Variants in LRCH2 observed in about 807,000 individuals in gnomAD.
LRCH2 encodes leucine-rich repeat and calponin homology domain-containing protein 2.
In LRCH2, 38 loss-of-function variants were observed where a neutral mutation model predicts 68.9. The ratio of observed to expected loss-of-function variants is 0.55; its 90% CI spans 0.43 to 0.72. The LOEUF is 0.72. Among genes scored for constraint, LRCH2 ranks in the 30% least tolerant of loss-of-function variants. The pLI is 0.00. For missense variants in LRCH2, 528 were observed against 572.9 expected (o/e 0.92, Z 0.80); for synonymous variants, 191 against 208.1 (o/e 0.92, Z 0.71).
chrX:115,122,681 CTGAGG>C, intron 19 of LRCH2, 74 bp downstream of exon 19: 1 of 1,168,325 alleles, frequency 8.6e-7, no homozygotes, highest in East Asian at 3.0e-5. Flanking sequence ...ACTAAGTTCA[CTGAGG>C]TATATTATTT....
At chrX:115,117,555 C>T (rs1023961185) in intron 20 of LRCH2, among the ~76,000 whole-genome samples, 1 of 111,555 alleles carries the variant, frequency 9.0e-6, no homozygotes, top group African/African-American at 3.2e-5. Flanking sequence ...TGTCCATCAG[C>T]AGGTCAAGGG....
Position 115,124,004 on chromosome X carries a change from T to TAA in LRCH2, c.1792-4_1792-3dup. The TAA allele has an allele frequency of 2.0e-6, 2 of 1,013,768 alleles. No homozygotes were observed. Among genetic ancestry groups the TAA allele is most frequent in the Non-Finnish European group, 2.6e-6 (2 of 774,389 alleles). 83.5% of individuals were successfully genotyped at this position (1,013,768 alleles called of 1,213,427 possible). ...AAAACCATCAGTTCTGTCATATTCC[T>TAA]AAAAAAAAATTAAAAAGTTAAAAAT... On this transcript the variant is annotated splice_region_variant and splice_polypyrimidine_tract_variant and intron_variant, in intron 16 of 20. Coordinates refer to ENST00000317135, the MANE Select transcript of LRCH2 (RefSeq NM_020871.4).
chrX:115,131,351 C>T (rs782121449), intron 14 of LRCH2, among the ~76,000 whole-genome samples: 3 of 107,780 alleles, frequency 2.8e-5, no homozygotes, highest in Non-Finnish European at 3.8e-5. Context: ...TGAGAACATG[C>T]GGTGTTTGGT....
intron 5 of LRCH2, among the ~76,000 whole-genome samples, chrX:115,176,360 C>T (rs2072646685): frequency 9.0e-6 from 1 of 111,576 alleles, no homozygotes; most frequent in African/African-American, 3.3e-5. Flanking sequence ...AACAGGCATC[C>T]TAACAAGTGT....
At chrX:115,226,194 A>C (rs1556576185) in intron 1 of LRCH2, among the ~76,000 whole-genome samples, 2 of 111,915 alleles carry the variant, frequency 1.8e-5, no homozygotes, top group Non-Finnish European at 3.8e-5. Flanking sequence ...GTATATTCAC[A>C]TGATGCAAGA....
intron 1 of LRCH2, among the ~76,000 whole-genome samples, chrX:115,223,927 GA>G (rs1191115991): frequency 7.5e-4 from 70 of 93,596 alleles, no homozygotes; most frequent in Non-Finnish European, 9.6e-4. Flanking sequence ...ACTCGGTCTC[GA>G]AAAAAAAAAA....
intron 14 of LRCH2, among the ~76,000 whole-genome samples, chrX:115,141,187 G>A (rs1227340779): frequency 1.8e-4 from 19 of 106,325 alleles, no homozygotes; most frequent in African/African-American, 6.2e-4. Context: ...GCAGTGAGCC[G>A]AGATCACGCC....
chrX:115,134,176 T>C (rs1296793118), intron 14 of LRCH2, among the ~76,000 whole-genome samples: 1 of 112,060 alleles, frequency 8.9e-6, no homozygotes, highest in African/African-American at 3.2e-5. Context: ...TTCAATCCTA[T>C]GAAGTCAAGG....
intron 1 of LRCH2, chrX:115,192,437 ACAGATC>A: frequency 1.7e-6 from 2 of 1,168,073 alleles, no homozygotes; most frequent in East Asian, 3.3e-5. Flanking sequence ...GGCGACCACG[ACAGATC>A]CAGCAACAGT....
chrX:115,192,853 A>G (rs2072856576), intron 1 of LRCH2: 1 of 431,498 alleles, frequency 2.3e-6, no homozygotes, highest in South Asian at 3.6e-5. Context: ...AGTTCTTGTT[A>G]AAAGTATAAG....
At chrX:115,189,896 C>T (rs782376039) in intron 1 of LRCH2, 27 of 1,160,951 alleles carry the variant, frequency 2.3e-5, no homozygotes, top group Middle Eastern at 4.7e-4. Context: ...AAGCGCGGGC[C>T]GCCACCGCGG....
chrX:115,189,353 C>T (rs1309719476), intron 1 of LRCH2: 5 of 982,270 alleles, frequency 5.1e-6, no homozygotes, highest in Non-Finnish European at 6.8e-6. Flanking sequence ...CCGGTAGGAG[C>T]CGCCCTCCAC....
intron 1 of LRCH2, among the ~76,000 whole-genome samples, chrX:115,217,551 C>T (rs1188119276): frequency 8.9e-6 from 1 of 111,819 alleles, no homozygotes; most frequent in Non-Finnish European, 1.9e-5. Context: ...CTGCAAAGGA[C>T]ATGAACTCAT....
chrX:115,230,330 G>T (rs2073145090), intron 1 of LRCH2, among the ~76,000 whole-genome samples: 1 of 110,891 alleles, frequency 9.0e-6, no homozygotes, highest in Non-Finnish European at 1.9e-5. Context: ...ACTCAAAAAG[G>T]TCATGAATCT....
intron 1 of LRCH2, among the ~76,000 whole-genome samples, chrX:115,220,795 CAG>C (rs1438707861): frequency 4.5e-5 from 5 of 111,230 alleles, no homozygotes; most frequent in African/African-American, 1.6e-4. Context: ...ACATCATAAA[CAG>C]TACTTTCAAA....
chrX:115,206,675 AG>A (rs1556568315), intron 1 of LRCH2, among the ~76,000 whole-genome samples: 1 of 111,515 alleles, frequency 9.0e-6, no homozygotes, highest in Non-Finnish European at 1.9e-5. Flanking sequence ...TCTCTGTTCA[AG>A]ACTCTCAGCT....
At chrX:115,212,161 T>C (rs186112918) in intron 1 of LRCH2, among the ~76,000 whole-genome samples, 1 of 111,548 alleles carries the variant, frequency 9.0e-6, no homozygotes, top group African/African-American at 3.3e-5. Flanking sequence ...GAGACTCCCG[T>C]GTGAGAGACA....
chrX:115,139,624 A>G (rs1235845107), intron 14 of LRCH2, among the ~76,000 whole-genome samples: 1 of 111,313 alleles, frequency 9.0e-6, no homozygotes, highest in East Asian at 2.9e-4. Flanking sequence ...TACTAAAAAT[A>G]CAAAAATTAG....
In LRCH2 at chrX:115,188,387, G is replaced by C; in HGVS notation, c.350-17C>G. On this transcript the variant is annotated splice_polypyrimidine_tract_variant and intron_variant, in intron 1 of 20. Transcript: ENST00000317135. ...TGGAAAGATCTGAAAAGAAAATAGTGAGTATTAAACATATACCTATATCTA... is the reference window on the plus strand; with the variant it reads ...TGGAAAGATCTGAAAAGAAAATAGTCAGTATTAAACATATACCTATATCTA... 1 of 1,119,306 alleles carries C rather than the reference G, an allele frequency of 8.9e-7. No homozygotes were observed. The highest frequency in any genetic ancestry group is 1.2e-6 in the Non-Finnish European group (1 of 832,792). 92.2% of individuals were successfully genotyped at this position (1,119,306 alleles called of 1,213,427 possible).
Sources: allele counts gnomAD v4.1 joint callset (sites outside exome capture counted in the v4.1 genomes callset), GRCh38; gene constraint gnomAD v4.1.1; transcripts MANE v1.5; gene names NCBI Gene and HGNC (gene_info 2026-07-23, HGNC 2026-07-21).